Variants in PCLO observed in about 807,000 individuals in gnomAD.
The protein encoded by PCLO is protein piccolo.
PCLO carries 82 observed loss-of-function variants against 427.5 expected under a neutral mutation model. The observed-to-expected ratio is 0.19, with a 90% CI of 0.16 to 0.23. PCLO has a LOEUF of 0.23. PCLO is among the 10% of genes least tolerant of loss of function. The pLI is 1.00. For synonymous variants in PCLO, 2,357 were observed against 2,155.4 expected (o/e 1.09, Z -2.59); for missense variants, 6,239 against 6,115.9 (o/e 1.02, Z -0.67).
intron 24 of PCLO, among the ~76,000 whole-genome samples, chr7:82,759,648 C>G (rs957182535): frequency 1.3e-5 from 2 of 151,924 alleles, no homozygotes; most frequent in African/African-American, 4.8e-5. Flanking sequence ...AGTTAATCTT[C>G]TCAATACATT....
At chr7:82,927,849 T>G (rs780819055) in intron 6 of PCLO, among the ~76,000 whole-genome samples, 13 of 152,160 alleles carry the variant, frequency 8.5e-5, no homozygotes, top group Admixed American at 2.0e-4. Flanking sequence ...ATACTATAAT[T>G]TTAGCTAGGA....
intron 22 of PCLO, among the ~76,000 whole-genome samples, chr7:82,787,651 T>C (rs1158475086): frequency 6.6e-6 from 1 of 152,100 alleles, no homozygotes; most frequent in Non-Finnish European, 1.5e-5. Flanking sequence ...CCTAAAGTCA[T>C]TGGAAAATGA....
chr7:82,956,638 G>A lies in PCLO; in HGVS notation c.4315C>T (p.His1439Tyr), dbSNP rs1285284821. 29 of 1,613,818 alleles carry A rather than the reference G, an allele frequency of 1.8e-5. No homozygotes were observed. The highest frequency in any genetic ancestry group is 2.4e-5 in the Non-Finnish European group (28 of 1,179,840). Residue 1439 changes from histidine (H) to tyrosine (Y), a missense_variant, in exon 5 of 25, where the codon CAT becomes TAT. His to Tyr is a moderately conservative substitution (Grantham distance 83, BLOSUM62 2). Transcript: ENST00000333891. Reference sequence around the variant, plus strand: ...TTAGGCTGTTCAGGAGAAACTTCATGGGGTTGTGTTTTCTTTTCTGACTTT... The same window carrying A: ...TTAGGCTGTTCAGGAGAAACTTCATAGGGTTGTGTTTTCTTTTCTGACTTT... ...DEKSEKKTQP[H>Y]EVSPEQPKDQ...
intron 7 of PCLO, among the ~76,000 whole-genome samples, chr7:82,911,475 T>TC (rs1329743517): frequency 1.3e-5 from 2 of 152,072 alleles, no homozygotes; most frequent in Admixed American, 6.6e-5. Flanking sequence ...TTTCTTGAAT[T>TC]CCTAAAAGTA....
intron 10 of PCLO, among the ~76,000 whole-genome samples, chr7:82,873,936 T>C (rs1584084000): frequency 1.3e-5 from 2 of 152,170 alleles, no homozygotes; most frequent in East Asian, 1.9e-4. Context: ...TATGTAAATA[T>C]ATGAGCAGTT....
chr7:82,916,602 T>A lies in PCLO; in HGVS notation c.11384A>T (p.Asp3795Val), dbSNP rs1794472498. ...CATTTCCAGGTATCGTAGCTTAGCA[T>A]CAATCTCCTTTTCTTCTTCATCAAG... is the stretch of plus-strand genomic sequence containing the variant. Reference protein sequence around the residue: ...AELDEEEKEIDAKLRYLEMGI... With the variant: ...AELDEEEKEIVAKLRYLEMGI... Residue 3795 changes from aspartate to valine, a missense_variant, in exon 7 of 25, where the codon GAT (aspartate) becomes GTT (valine). Asp to Val is a radical substitution (Grantham distance 152). Coordinates refer to ENST00000333891, the MANE Select transcript of PCLO (RefSeq NM_033026.6). 1 of 1,613,608 alleles carries A rather than the reference T, an allele frequency of 6.2e-7. No homozygotes were observed. Among genetic ancestry groups the A allele is most frequent in the South Asian group, 1.1e-5 (1 of 91,092 alleles).
chr7:82,967,689 T>C (rs1364371688), intron 3 of PCLO, among the ~76,000 whole-genome samples: 1 of 152,182 alleles, frequency 6.6e-6, no homozygotes, highest in African/African-American at 2.4e-5. Flanking sequence ...CTGATAAGAA[T>C]ATAGAACAAA....
At chr7:82,819,725 A>C (rs1791750683) in intron 20 of PCLO, among the ~76,000 whole-genome samples, 1 of 152,154 alleles carries the variant, frequency 6.6e-6, no homozygotes, top group Non-Finnish European at 1.5e-5. Flanking sequence ...CTGTAATGCG[A>C]CATATATCTT....
At chr7:83,106,958 C>T (rs1049723431) in intron 3 of PCLO, among the ~76,000 whole-genome samples, 2 of 117,476 alleles carry the variant, frequency 1.7e-5, no homozygotes, top group African/African-American at 6.4e-5. Context: ...AACATATGTG[C>T]TCATTAAGTA....
chr7:82,774,381 C>G (rs150171405), intron 22 of PCLO, among the ~76,000 whole-genome samples: 11 of 152,256 alleles, frequency 7.2e-5, no homozygotes, highest in African/African-American at 2.6e-4. Flanking sequence ...GCTTTGTACA[C>G]TGTGCCATTA....
At chr7:83,105,967 T>G (rs750936768) in intron 3 of PCLO, among the ~76,000 whole-genome samples, 1 of 152,150 alleles carries the variant, frequency 6.6e-6, no homozygotes, top group Non-Finnish European at 1.5e-5. Flanking sequence ...GAGTACAGAA[T>G]AGTTCTCAAA....
At chr7:82,939,386 A>C (rs1795027060) in intron 6 of PCLO, among the ~76,000 whole-genome samples, 1 of 152,010 alleles carries the variant, frequency 6.6e-6, no homozygotes, top group Non-Finnish European at 1.5e-5. Context: ...GTTGAGGTAA[A>C]TATATTTTAT....
chr7:82,782,183 G>C (rs992163980), intron 22 of PCLO, among the ~76,000 whole-genome samples: 2 of 152,164 alleles, frequency 1.3e-5, no homozygotes, highest in African/African-American at 4.8e-5. Flanking sequence ...GCTCCAAGTA[G>C]ATAGTGCTGG....
intron 3 of PCLO, among the ~76,000 whole-genome samples, chr7:83,027,961 A>G (rs202232167): frequency 0.31 from 41,719 of 132,948 alleles, 6,440 homozygotes; most frequent in East Asian, 0.78. Flanking sequence ...ATATTTCAAA[A>G]TAATAAGAGC....
At chr7:82,990,814 G>A (rs760737513) in intron 3 of PCLO, among the ~76,000 whole-genome samples, 3 of 151,898 alleles carry the variant, frequency 2.0e-5, no homozygotes, top group Non-Finnish European at 2.9e-5. Flanking sequence ...CATATAAACT[G>A]GGAAAACATT....
At chr7:82,922,076 AC>A (rs1445971992) in intron 6 of PCLO, among the ~76,000 whole-genome samples, 2 of 151,786 alleles carry the variant, frequency 1.3e-5, no homozygotes, top group African/African-American at 4.8e-5. Flanking sequence ...AGTAAACAAA[AC>A]AAAACAAAAC....
At chr7:82,913,394 C>T (rs888471667) in intron 7 of PCLO, among the ~76,000 whole-genome samples, 2 of 151,952 alleles carry the variant, frequency 1.3e-5, no homozygotes, top group African/African-American at 4.8e-5. Flanking sequence ...TCCTGTGAGT[C>T]CTCAAGAAAG....
At chr7:82,867,341 A>G (rs1015848684) in intron 10 of PCLO, among the ~76,000 whole-genome samples, 2 of 152,222 alleles carry the variant, frequency 1.3e-5, no homozygotes. Flanking sequence ...CCTAAATTTG[A>G]TAACAATTTT....
chr7:83,087,116 C>A (rs55801227), intron 3 of PCLO, among the ~76,000 whole-genome samples: 69,523 of 145,458 alleles, frequency 0.48, 16,772 homozygotes, highest in African/African-American at 0.49. Flanking sequence ...AGATATACCT[C>A]ATGTAAATGA....
Sources: allele counts gnomAD v4.1 joint callset (sites outside exome capture counted in the v4.1 genomes callset), GRCh38; gene constraint gnomAD v4.1.1; transcripts MANE v1.5; gene names NCBI Gene and HGNC (gene_info 2026-07-23, HGNC 2026-07-21).